FAT3: variants seen among roughly 807,000 people sequenced by gnomAD.
FAT3 encodes the protein FAT atypical cadherin 3, also known as protocadherin Fat 3.
A neutral mutation model predicts 310.2 loss-of-function variants in FAT3; 95 were observed. That is an observed-to-expected ratio of 0.31 (90% CI 0.26 to 0.36). The LOEUF is 0.36. Among genes scored for constraint, FAT3 ranks in the 10% least tolerant of loss-of-function variants. The probability of loss-of-function intolerance (pLI) is 1.00; values close to 1 mark genes in which losing one functional copy is unlikely to be tolerated. For missense variants in FAT3, 5,408 were observed against 5,715.6 expected, an observed-to-expected ratio of 0.95 and a Z score of 1.74; for synonymous variants, 2,314 against 2,192.9, an observed-to-expected ratio of 1.06 and a Z score of -1.54.
At chr11:92,728,425 TG>T (rs1945063848) in intron 4 of FAT3, among the ~76,000 whole-genome samples, 2 of 152,128 alleles carry the variant, frequency 1.3e-5, no homozygotes, top group South Asian at 4.1e-4. Context: ...GAGACAAAAA[TG>T]TTTTTGCTTG....
At chr11:92,745,728 A>G (rs1043273434) in intron 4 of FAT3, among the ~76,000 whole-genome samples, 1 of 152,210 alleles carries the variant, frequency 6.6e-6, no homozygotes, top group African/African-American at 2.4e-5. Context: ...AAAAGCTGCC[A>G]TTTAGCAGTT....
At chr11:92,848,221 G>A (rs1948736099) in intron 19 of FAT3, among the ~76,000 whole-genome samples, 1 of 152,138 alleles carries the variant, frequency 6.6e-6, no homozygotes, top group African/African-American at 2.4e-5. Flanking sequence ...CCAAAATGCT[G>A]AGTTGTTTTA....
chr11:92,551,039 C>T (rs1663450249), intron 3 of FAT3, among the ~76,000 whole-genome samples: 1 of 151,888 alleles, frequency 6.6e-6, no homozygotes, highest in Non-Finnish European at 1.5e-5. Context: ...ACTATCTGGC[C>T]AAGATGAGGC....
intron 2 of FAT3, among the ~76,000 whole-genome samples, chr11:92,360,669 T>A (rs1338888466): frequency 1.3e-5 from 2 of 152,212 alleles, no homozygotes; most frequent in African/African-American, 4.8e-5. Flanking sequence ...AGATGAAAAA[T>A]TTCCAATTGG....
chr11:92,835,122 G>A lies in FAT3; in HGVS notation c.10086+38G>A, dbSNP rs770829523. On this transcript the variant is annotated intron_variant, in intron 15 of 27. Coordinates refer to ENST00000525166, the MANE Select transcript of FAT3 (RefSeq NM_001367949.2). ...GGTTGGGGATGGTTCTAGATGTTTG[G>A]GACTAGTCATCCACAATAAAGTGAA... 7 of 1,543,248 alleles carry A rather than the reference G, an allele frequency of 4.5e-6. No individual in the cohort carries two copies. The Admixed American group carries it at 1.1e-4, about 24-fold the overall frequency.
intron 7 of FAT3, among the ~76,000 whole-genome samples, chr11:92,779,773 G>A (rs146670879): frequency 6.6e-6 from 1 of 152,264 alleles, no homozygotes; most frequent in African/African-American, 2.4e-5. Flanking sequence ...GGAGTATCCA[G>A]TTAGGCCCAG....
intron 1 of FAT3, among the ~76,000 whole-genome samples, chr11:92,342,804 GAA>G (rs1386993583): frequency 6.6e-6 from 1 of 151,964 alleles, no homozygotes; most frequent in Non-Finnish European, 1.5e-5. Context: ...GCCTACAAGA[GAA>G]AAAATGAAAT....
chr11:92,272,999 A>G (rs910431717), intron 1 of FAT3, among the ~76,000 whole-genome samples: 13 of 152,058 alleles, frequency 8.5e-5, no homozygotes, highest in Non-Finnish European at 1.2e-4. Context: ...TCATAAACAG[A>G]TTTTTCCTAA....
At chr11:92,252,962 A>G (rs1865189715) in intron 1 of FAT3, among the ~76,000 whole-genome samples, 1 of 152,120 alleles carries the variant, frequency 6.6e-6, no homozygotes, top group Non-Finnish European at 1.5e-5. Context: ...AGGGAGGAAT[A>G]CATTGCAGAT....
Position 92,886,901 on chromosome 11 carries a change from T to G in FAT3, c.12938-99T>G. ...ATTATTTTCTCTAAGCAAATGAAAG[T>G]GCCTCGAGAAGTGAACTAGCTGAGA... is the stretch of plus-strand genomic sequence containing the variant. On this transcript the variant is annotated intron_variant, in intron 24 of 27. Transcript: ENST00000525166. 3.4e-6 allele frequency: 3 copies of G among 891,144 alleles called. No homozygotes were observed. In the South Asian group the frequency reaches 4.9e-5, roughly 15 times the overall value. The allele number at this position is 891,144 out of a possible 1,614,324, so 55.2% of individuals were successfully genotyped here.
intron 6 of FAT3, among the ~76,000 whole-genome samples, chr11:92,765,400 A>G (rs1946279339): frequency 6.6e-6 from 1 of 151,826 alleles, no homozygotes; most frequent in African/African-American, 2.4e-5. Flanking sequence ...TCATTTCTAA[A>G]TGTATTGATG....
intron 2 of FAT3, among the ~76,000 whole-genome samples, chr11:92,461,396 T>G (rs1003978233): frequency 6.6e-6 from 1 of 152,166 alleles, no homozygotes; most frequent in African/African-American, 2.4e-5. Flanking sequence ...TTAAACACAT[T>G]TATAAATATC....
rs116742204 is a variant in FAT3 at position 92,641,738 on chromosome 11, C to T, written c.3608-55646C>T. On this transcript the variant is annotated intron_variant, in intron 3 of 27. Transcript: ENST00000525166. ...CTTTTTCCAAATAGCATCACATTCA[C>T]GTATTCCAAGGGCTAGAATAGATAT... is the stretch of plus-strand genomic sequence containing the variant. Among the ~76,000 whole-genome samples, 1,087 of 152,364 alleles carry T rather than the reference C, an allele frequency of 7.1e-3. 13 individuals carry two copies. The highest frequency in any genetic ancestry group is 0.013 in the African/African-American group (557 of 41,580).
At chr11:92,575,680 G>T (rs906762386) in intron 3 of FAT3, among the ~76,000 whole-genome samples, 13 of 152,056 alleles carry the variant, frequency 8.5e-5, no homozygotes, top group African/African-American at 3.1e-4. Context: ...CTCCACACTT[G>T]ACACTTCTAA....
intron 1 of FAT3, among the ~76,000 whole-genome samples, chr11:92,319,601 A>G (rs1947555801): frequency 6.6e-6 from 1 of 152,226 alleles, no homozygotes; most frequent in African/African-American, 2.4e-5. Flanking sequence ...TGTTGCTGAT[A>G]GAAAAATGGG....
intron 2 of FAT3, among the ~76,000 whole-genome samples, chr11:92,360,764 T>G (rs1388202860): frequency 6.6e-6 from 1 of 152,214 alleles, no homozygotes; most frequent in Non-Finnish European, 1.5e-5. Context: ...AAGTACCTAT[T>G]ATGTGCCAGG....
At chr11:92,362,426 G>A (rs1036249833) in intron 2 of FAT3, among the ~76,000 whole-genome samples, 1 of 152,184 alleles carries the variant, frequency 6.6e-6, no homozygotes, top group African/African-American at 2.4e-5. Flanking sequence ...TGTGCCCAGA[G>A]GCTTTTTGGC....
intron 2 of FAT3, among the ~76,000 whole-genome samples, chr11:92,477,753 A>C (rs1472435413): frequency 2.6e-5 from 4 of 152,220 alleles, no homozygotes; most frequent in African/African-American, 9.6e-5. Flanking sequence ...CTAAGGTTGA[A>C]TGTATTCAAG....
At chr11:92,605,514 A>T (rs1940232706) in intron 3 of FAT3, among the ~76,000 whole-genome samples, 1 of 152,148 alleles carries the variant, frequency 6.6e-6, no homozygotes, top group South Asian at 2.1e-4. Flanking sequence ...ATAAGCATAC[A>T]CATTAGTATA....
Sources: gnomAD v4.1 joint callset for allele counts (sites outside exome capture counted in the v4.1 genomes callset) on GRCh38, gnomAD v4.1.1 for gene constraint, MANE v1.5 for transcripts, NCBI Gene and HGNC (gene_info 2026-07-23, HGNC 2026-07-21) for gene names.